Variants in BIN1 observed in about 807,000 individuals in gnomAD.
The protein encoded by BIN1 is bridging integrator 1.
A neutral mutation model predicts 82.0 loss-of-function variants in BIN1; 53 were observed. The observed-to-expected ratio is 0.65, with a 90% CI of 0.52 to 0.81. The LOEUF (loss-of-function observed/expected upper bound fraction) is 0.81. Among genes scored for constraint, BIN1 ranks in the 40% least tolerant of loss-of-function variants. The pLI is 0.00. For missense variants in BIN1, 642 were observed against 784.4 expected, an observed-to-expected ratio of 0.82 and a Z score of 2.17; for synonymous variants, 302 against 328.0, an observed-to-expected ratio of 0.92 and a Z score of 0.86.
intron 1 of BIN1, among the ~76,000 whole-genome samples, chr2:127,100,156 G>GA (rs1267513595): frequency 1.3e-5 from 2 of 152,118 alleles, no homozygotes; most frequent in South Asian, 2.1e-4. Flanking sequence ...TACTATTTGG[G>GA]AAAAAACACA....
In BIN1 at chr2:127,050,488, G is replaced by T. The variant is rs773732601; in HGVS notation, c.1607C>A (p.Thr536Lys). 1.1e-5 allele frequency: 18 copies of T among 1,614,246 alleles called. No individual in the cohort carries two copies. Among genetic ancestry groups the T allele is most frequent in the Non-Finnish European group, 1.0e-5 (12 of 1,180,046 alleles). The change falls in exon 18 of 19, where the codon ACA becomes AAA. Residue 536 changes from threonine (T) to lysine (K), a missense_variant. Physicochemically the swap from Thr to Lys is moderately conservative, Grantham distance 78. Coordinates refer to ENST00000316724, the MANE Select transcript of BIN1 (RefSeq NM_139343.3). Reference protein sequence around the residue: ...QAQHDYTATDTDELQLKAGDV... With the variant: ...QAQHDYTATDKDELQLKAGDV... The stretch of plus-strand genomic sequence containing the variant: ...ACCAGCCTTGAGCTGCAGCTCGTCT[G>T]TGTCAGTGGCCGTGTAGTCGTGCTG...
rs115938552 is a variant in BIN1 at position 127,054,019 on chromosome 2, A to G, written c.1132-7T>C. On this transcript the variant is annotated splice_polypyrimidine_tract_variant and splice_region_variant and intron_variant, in intron 12 of 18. Transcript: ENST00000316724. ...AAGGCCCCGGGGCCTCAAACTTGGC[A>G]GCAGCAGCAGCAGCAGAGGAGGAAG... The G allele has an allele frequency of 8.9e-4, 1,366 of 1,536,238 alleles. 12 individuals are homozygous for G. The African/African-American group carries it at 0.017, about 19-fold the overall frequency.
At position 127,069,025 on chromosome 2, in the gene BIN1, T is replaced by G. The variant is rs1407049344; in HGVS notation, c.418A>C (p.Ile140Leu). ...ACCAGCTTGCGCCCCCGCTTGGCAA[T>G]GCGTGACTGGGGCAGACAGAGGAGG... The part of the protein sequence containing the change: ...LGQFPDIKSR[I>L]AKRGRKLVDY... The change falls in exon 6 of 19, where the codon ATT (isoleucine) becomes CTT (leucine). Residue 140 changes from isoleucine to leucine, a missense_variant. By Grantham distance (5) the Ile-to-Leu change is conservative. Transcript: ENST00000316724. The G allele has an allele frequency of 1.2e-6, 2 of 1,613,992 alleles. No homozygotes were observed. Among genetic ancestry groups the G allele is most frequent in the Admixed American group, 1.7e-5 (1 of 60,028 alleles).
chr2:127,050,743 G>T, intron 17 of BIN1, 59 bp downstream of exon 17: 2 of 1,560,912 alleles, frequency 1.3e-6, no homozygotes, highest in Non-Finnish European at 8.8e-7. Context: ...GAGGCTCAGG[G>T]TTCTCATCTG....
At position 127,048,389 on chromosome 2, in the gene BIN1, CCTCTGCCT is replaced by C. The variant is rs1682441222; in HGVS notation, c.*129_*136del. On this transcript the variant is annotated 3_prime_UTR_variant, in exon 19 of 19. Coordinates refer to ENST00000316724, the MANE Select transcript of BIN1 (RefSeq NM_139343.3). ...ACGACCTAATCTTTGGGAGAACGCC[CCTCTGCCT>C]GGGGGTCTCCTCTTGATTTCCCTTT... is the stretch of plus-strand genomic sequence containing the variant. 10 of 805,340 alleles carry C rather than the reference CCTCTGCCT, an allele frequency of 1.2e-5. No homozygotes were observed. Among genetic ancestry groups the C allele is most frequent in the Non-Finnish European group, 2.0e-5 (10 of 494,410 alleles). 49.9% of individuals were successfully genotyped at this position (805,340 alleles called of 1,614,324 possible). A position where few individuals can be genotyped will look rare whatever the true frequency, so the allele number is the denominator to read the frequency against.
intron 2 of BIN1, among the ~76,000 whole-genome samples, chr2:127,071,756 G>A (rs188135316): frequency 3.3e-5 from 5 of 152,316 alleles, no homozygotes; most frequent in African/African-American, 1.2e-4. Context: ...AGACCCAGCT[G>A]TGTCCCTTAC....
chr2:127,084,174 T>G (rs1242687228), intron 1 of BIN1, among the ~76,000 whole-genome samples: 1 of 152,036 alleles, frequency 6.6e-6, no homozygotes, highest in Non-Finnish European at 1.5e-5. Context: ...TGAACCAGAG[T>G]GTTCCCTTTA....
chr2:127,079,983 G>A (rs966349911), intron 1 of BIN1, among the ~76,000 whole-genome samples: 1 of 152,236 alleles, frequency 6.6e-6, no homozygotes, highest in Non-Finnish European at 1.5e-5. Context: ...AGCTCTCAGT[G>A]CTCCAGTGCC....
intron 1 of BIN1, among the ~76,000 whole-genome samples, chr2:127,077,218 A>C (rs751057210): frequency 6.6e-6 from 1 of 152,198 alleles, no homozygotes; most frequent in Non-Finnish European, 1.5e-5. Flanking sequence ...GAGGGCAGCG[A>C]GCGGTGGCCA....
chr2:127,081,492 A>G (rs985984111), intron 1 of BIN1, among the ~76,000 whole-genome samples: 4 of 152,074 alleles, frequency 2.6e-5, no homozygotes, highest in African/African-American at 9.7e-5. Flanking sequence ...GGCCTGCTGC[A>G]CTTGCGGGAC....
chr2:127,074,458 C>T (rs1176994578), intron 2 of BIN1, among the ~76,000 whole-genome samples: 1 of 152,242 alleles, frequency 6.6e-6, no homozygotes, highest in Non-Finnish European at 1.5e-5. Flanking sequence ...CTGCTCCACA[C>T]CCACAGCCCA....
chr2:127,070,655 G>A lies in BIN1; in HGVS notation c.221-8C>T, dbSNP rs750040017. The A allele has an allele frequency of 6.2e-6, 10 of 1,613,844 alleles. No homozygotes were observed. Among genetic ancestry groups the A allele is most frequent in the South Asian group, 1.1e-5 (1 of 91,072 alleles). ...TGGAAGCCTCGTGCATGGCTGTGGG[G>A]CAGAAAGGAAGTATGTGGGCCTCCC... is the stretch of plus-strand genomic sequence containing the variant. On this transcript the variant is annotated splice_polypyrimidine_tract_variant and splice_region_variant and intron_variant, in intron 3 of 18. Coordinates refer to ENST00000316724, the MANE Select transcript of BIN1 (RefSeq NM_139343.3).
At chr2:127,053,739 G>T (rs887210139) in intron 13 of BIN1, 166 bp downstream of exon 13, 1 of 739,648 alleles carries the variant, frequency 1.4e-6, no homozygotes, top group Non-Finnish European at 2.3e-6. Context: ...ATCAGGGGCT[G>T]CTTCCTGCCC....
intron 1 of BIN1, among the ~76,000 whole-genome samples, chr2:127,099,597 G>A (rs979282042): frequency 1.3e-5 from 2 of 151,420 alleles, no homozygotes; most frequent in Non-Finnish European, 2.9e-5. Context: ...CACTGCAACC[G>A]CCGCCTCCCG....
At position 127,085,043 on chromosome 2, in the gene BIN1, G is replaced by A. The variant is rs549250007; in HGVS notation, c.85-8337C>T. 5.8e-3 allele frequency among the ~76,000 whole-genome samples: 828 copies of A among 143,366 alleles called. 31 individuals carry two copies. The highest frequency in any genetic ancestry group is 4.5e-3 in the East Asian group (19 of 4,260). The allele number at this position is 143,366 out of a possible 152,430, so 94.1% of individuals were successfully genotyped here. ...TTGTTCTCCCTCCATCCCCCGCCCC[G>A]CCCCACCCCAGAGCTGCTGCTTCAC... On this transcript the variant is annotated intron_variant, in intron 1 of 18. Transcript: ENST00000316724.
intron 1 of BIN1, among the ~76,000 whole-genome samples, chr2:127,100,774 C>G (rs904971698): frequency 6.6e-6 from 1 of 152,098 alleles, no homozygotes. Flanking sequence ...CTCAGAAGCC[C>G]GGGTGCTGGG....
In BIN1 at chr2:127,053,291, C is replaced by T. The variant is rs943269416; in HGVS notation, c.1263+131G>A. ...CCAGCTCCCTGTGCGTGAGCACGTG[C>T]CTGTGTGTCCTGCGTGTGGGGGGTG... On this transcript the variant is annotated intron_variant, in intron 14 of 18. Transcript: ENST00000316724. The T allele has an allele frequency of 3.0e-6, 4 of 1,333,158 alleles. No homozygotes were observed. In the East Asian group the frequency reaches 1.0e-4, roughly 33 times the overall value. The allele number at this position is 1,333,158 out of a possible 1,614,324, so 82.6% of individuals were successfully genotyped here.
Position 127,080,447 on chromosome 2 carries a change from C to T in BIN1, c.85-3741G>A, listed in dbSNP as rs1251377534. On this transcript the variant is annotated intron_variant, in intron 1 of 18. Coordinates refer to ENST00000316724, the MANE Select transcript of BIN1 (RefSeq NM_139343.3). ...GAGTTGGGTGAGGAGGAGGGTCTGG[C>T]GGCACAGGCCAGGATTTGCACTCTG... Among the ~76,000 whole-genome samples the T allele has an allele frequency of 7.6e-4, 116 of 152,342 alleles. 2 individuals carry two copies. Among genetic ancestry groups the T allele is most frequent in the Non-Finnish European group, 1.6e-4 (11 of 68,024 alleles).
Position 127,062,119 on chromosome 2 carries a change from G to A in BIN1, c.853C>T (p.Pro285Ser), listed in dbSNP as rs958559973. Reference protein sequence around the residue: ...GSNTFTVKAQPSDNAPAKGNK... With the variant: ...GSNTFTVKAQSSDNAPAKGNK... Reference sequence around the variant, plus strand: ...CAGGGCTCTCCCCGCACGCACCTGGGCTGGGCCTTGACCGTGAAGGTGTTG... The same window carrying A: ...CAGGGCTCTCCCCGCACGCACCTGGACTGGGCCTTGACCGTGAAGGTGTTG... Residue 285 changes from proline (P) to serine (S), a missense_variant, in exon 10 of 19, where the codon CCC becomes TCC. Physicochemically the swap from Pro to Ser is moderately conservative, Grantham distance 74 (BLOSUM62 -1). Transcript: ENST00000316724. 6.2e-7 allele frequency: 1 copy of A among 1,607,310 alleles called. No individual in the cohort carries two copies. The highest frequency in any genetic ancestry group is 2.2e-5 in the East Asian group (1 of 44,738).
Sources: gnomAD v4.1 joint callset for allele counts (sites outside exome capture counted in the v4.1 genomes callset) on GRCh38, gnomAD v4.1.1 for gene constraint, MANE v1.5 for transcripts, NCBI Gene and HGNC (gene_info 2026-07-23, HGNC 2026-07-21) for gene names.